The following SORBS2 variants were observed in gnomAD, a reference collection of about 807,000 sequenced individuals.
The protein encoded by SORBS2 is sorbin and SH3 domain containing 2.
Under a neutral mutation model 97.7 loss-of-function variants are expected in SORBS2, and 46 were observed. That is an observed-to-expected ratio of 0.47 (90% CI 0.37 to 0.60). The LOEUF is 0.60. SORBS2 is among the 20% of genes least tolerant of loss of function. SORBS2 has a pLI of 0.00. For synonymous variants in SORBS2, 476 were observed against 473.4 expected (o/e 1.01, Z -0.07); for missense variants, 1,316 against 1,282.3 (o/e 1.03, Z -0.40).
rs1411958263 is a variant in SORBS2, at chr4:185,882,207, A to G, written c.-338+73989T>C. On this transcript the variant is annotated intron_variant, in intron 1 of 20. Coordinates refer to the SORBS2 transcript ENST00000284776. ...TTGTCTGCATAGAAAATCTCAAAGA[A>G]TCTACCAAAAACTACTGGAACTAAT... Among the ~76,000 whole-genome samples the G allele has an allele frequency of 2.6e-5, 4 of 152,168 alleles. No homozygotes were observed. The East Asian group carries it at 7.7e-4, about 29-fold the overall frequency.
intron 3 of SORBS2, 93 bp from the exon 13 acceptor site, chr4:185,646,875 G>T: frequency 2.7e-6 from 2 of 736,098 alleles, no homozygotes; most frequent in Non-Finnish European, 4.6e-6. Flanking sequence ...ATTACTTTTA[G>T]CATAGTTTTA....
At chr4:185,657,281 G>T, upstream of SORBS2, 1 of 659,788 alleles carries the variant, frequency 1.5e-6, no homozygotes, top group Non-Finnish European at 2.3e-6. Context: ...GCCACACACA[G>T]CATAACATTC....
intron 4 of SORBS2, chr4:185,677,102 G>C (rs1431654358): frequency 9.0e-6 from 14 of 1,551,680 alleles, no homozygotes; most frequent in Non-Finnish European, 1.2e-5. Context: ...GTAGCTGTTT[G>C]TGGCTTTCAA....
At chr4:185,801,418 A>T in intron 1 of SORBS2, among the ~76,000 whole-genome samples, 1 of 152,158 alleles carries the variant, frequency 6.6e-6, no homozygotes. Flanking sequence ...TGTCTGTACC[A>T]ATTTACATTC....
chr4:185,791,457 C>T (rs1249797534), intron 1 of SORBS2, among the ~76,000 whole-genome samples: 2 of 152,052 alleles, frequency 1.3e-5, no homozygotes, highest in African/African-American at 2.4e-5. Flanking sequence ...AAAAACCTAG[C>T]TCACAGTGGA....
chr4:185,708,983 T>A (rs1351046744), intron 2 of SORBS2, among the ~76,000 whole-genome samples: 2 of 152,266 alleles, frequency 1.3e-5, no homozygotes, highest in African/African-American at 4.8e-5. Context: ...CCTCAAAAAA[T>A]TTCAATTCAG....
chr4:185,712,590 C>T (rs57246800), intron 2 of SORBS2, among the ~76,000 whole-genome samples: 30,599 of 152,200 alleles, frequency 0.2, 3,457 homozygotes, highest in Middle Eastern at 0.29. Context: ...ACACTTAAGC[C>T]GCCCGTGGAC....
chr4:185,901,142 T>C (rs1365626848), intron 1 of SORBS2, among the ~76,000 whole-genome samples: 1 of 152,254 alleles, frequency 6.6e-6, no homozygotes, highest in Non-Finnish European at 1.5e-5. Flanking sequence ...ATACATATAC[T>C]GTGTAGACTA....
intron 1 of SORBS2, among the ~76,000 whole-genome samples, chr4:185,939,383 G>A (rs533104123): frequency 6.6e-6 from 1 of 152,266 alleles, no homozygotes; most frequent in Non-Finnish European, 1.5e-5. Flanking sequence ...CAAATATGCT[G>A]TAATACTTCC....
At chr4:185,865,299 G>A (rs1030406654) in intron 1 of SORBS2, among the ~76,000 whole-genome samples, 4 of 152,136 alleles carry the variant, frequency 2.6e-5, no homozygotes. Context: ...AACAAGGGGC[G>A]GGAATTTCAG....
At chr4:185,855,631 T>C (rs1037683961) in intron 1 of SORBS2, among the ~76,000 whole-genome samples, 4 of 152,146 alleles carry the variant, frequency 2.6e-5, no homozygotes, top group African/African-American at 9.7e-5. Context: ...GAAAGGTCTA[T>C]TTATCTTTGG....
intron 1 of SORBS2, among the ~76,000 whole-genome samples, chr4:185,907,961 T>C (rs1278019942): frequency 6.6e-6 from 1 of 152,050 alleles, no homozygotes; most frequent in Non-Finnish European, 1.5e-5. Context: ...CAACATAGCT[T>C]AGTATAAGGT....
intron 4 of SORBS2, among the ~76,000 whole-genome samples, chr4:185,631,320 C>T (rs533935912): frequency 6.6e-6 from 1 of 152,162 alleles, no homozygotes; most frequent in Non-Finnish European, 1.5e-5. Context: ...CTGAATAATA[C>T]ACTGAAATAG....
At chr4:185,673,070 C>T (rs907086161) in intron 4 of SORBS2, among the ~76,000 whole-genome samples, 2 of 152,148 alleles carry the variant, frequency 1.3e-5, no homozygotes, top group Non-Finnish European at 2.9e-5. Flanking sequence ...CATGCTGTAA[C>T]ATGGAGCAAT....
At chr4:185,903,911 T>C (rs934646669) in intron 1 of SORBS2, among the ~76,000 whole-genome samples, 3 of 152,226 alleles carry the variant, frequency 2.0e-5, no homozygotes, top group Admixed American at 2.0e-4. Flanking sequence ...TCTGTTAAGA[T>C]CATACTTGAC....
At chr4:185,898,643 T>C (rs1483942943) in intron 1 of SORBS2, among the ~76,000 whole-genome samples, 1 of 152,190 alleles carries the variant, frequency 6.6e-6, no homozygotes, top group Admixed American at 6.5e-5. Context: ...GATTTGCATC[T>C]CAGCCTTATT....
At chr4:185,626,992 C>T in exon 6 of SORBS2, 4 of 1,614,158 alleles carry the variant, frequency 2.5e-6, no homozygotes, top group African/African-American at 1.3e-5. Flanking sequence ...TCCTCCGCTT[C>T]CTGAAGTCAC....
intron 2 of SORBS2, among the ~76,000 whole-genome samples, chr4:185,737,347 G>C (rs974614488): frequency 6.6e-6 from 1 of 151,240 alleles, no homozygotes; most frequent in Non-Finnish European, 1.5e-5. Flanking sequence ...GTGGTCTCCC[G>C]TCTCCTCCAT....
chr4:185,657,784 C>CA (rs1164765724), upstream of SORBS2, among the ~76,000 whole-genome samples: 1 of 152,030 alleles, frequency 6.6e-6, no homozygotes, highest in Non-Finnish European at 1.5e-5. Context: ...AGACCTATAC[C>CA]AACAAGGGCC....
Sources: allele counts gnomAD v4.1 joint callset (sites outside exome capture counted in the v4.1 genomes callset), GRCh38; gene constraint gnomAD v4.1.1; transcripts MANE v1.5; gene names NCBI Gene and HGNC (gene_info 2026-07-23, HGNC 2026-07-21).